Variants in MGAM observed in about 807,000 individuals in gnomAD.
The protein encoded by MGAM is alpha-1,4-glucosidase.
Under a neutral mutation model 358.8 loss-of-function variants are expected in MGAM, and 253 were observed. The ratio of observed to expected loss-of-function variants is 0.71; its 90% confidence interval spans 0.64 to 0.78. MGAM has a LOEUF of 0.78. Ranked by LOEUF, MGAM falls within the 30% of genes least tolerant of loss-of-function variation. The pLI is 0.00. For synonymous variants in MGAM, 1,105 were observed against 1,227.1 expected, an observed-to-expected ratio of 0.90 and a Z score of 2.08; for missense variants, 3,080 against 3,432.6, an observed-to-expected ratio of 0.90 and a Z score of 2.57.
At chr7:142,021,505 T>C in intron 5 of MGAM, 81 bp from the exon 6 acceptor site, 1 of 1,390,650 alleles carries the variant, frequency 7.2e-7, no homozygotes, top group African/African-American at 1.4e-5. Flanking sequence ...CAGTGCCTGA[T>C]TCCAGTATCC....
Position 142,059,947 on chromosome 7 carries a change from G to A in MGAM, c.4040G>A (p.Gly1347Glu), listed in dbSNP as rs1441650508. ...DDVFIKYPNDGDIVWGKVWPD... is the reference protein window; with the variant it reads ...DDVFIKYPNDEDIVWGKVWPD... ...GTCTTCATCAAATACCCAAATGATG[G>A]AGACATTGTCTGGGGAAAGGTATAA... Residue 1347 changes from glycine (G) to glutamate (E), a missense_variant, in exon 33 of 71, where the codon GGA (glycine) becomes GAA (glutamate). Transcript: ENST00000475668. The A allele has an allele frequency of 1.2e-6, 2 of 1,606,764 alleles. No homozygotes were observed. The highest frequency in any genetic ancestry group is 4.5e-5 in the East Asian group (2 of 44,710).
In MGAM at chr7:142,077,478, C is replaced by T. The variant is rs150715290; in HGVS notation, c.5493+652C>T. On this transcript the variant is annotated intron_variant, in intron 47 of 70. Transcript: ENST00000475668. ...TGTGAGAACTTTAACTTGGGAAGTGCTGTCTAGAGAAGCATCAAAGATAAG... is the reference window on the plus strand; with the variant it reads ...TGTGAGAACTTTAACTTGGGAAGTGTTGTCTAGAGAAGCATCAAAGATAAG... Among the ~76,000 whole-genome samples, 87 of 145,358 alleles carry T rather than the reference C, an allele frequency of 6.0e-4. 3 individuals carry two copies. The highest frequency in any genetic ancestry group is 1.8e-3 in the African/African-American group (75 of 41,062).
chr7:142,085,366 G>A (rs1814654752), intron 54 of MGAM, among the ~76,000 whole-genome samples: 1 of 146,366 alleles, frequency 6.8e-6, no homozygotes, highest in African/African-American at 2.4e-5. Context: ...CCTCAAGATT[G>A]GGTATTCCAA....
intron 1 of MGAM, among the ~76,000 whole-genome samples, chr7:142,000,461 C>T (rs1243170004): frequency 6.6e-6 from 1 of 152,104 alleles, no homozygotes; most frequent in Non-Finnish European, 1.5e-5. Flanking sequence ...AGTTAGATGC[C>T]ATCCCTTCTC....
Position 142,052,432 on chromosome 7 carries a change from G to A in MGAM, c.2944G>A (p.Gly982Ser). ...TTCTGCCGAAAACTGCACTGCCCGT[G>A]GCTGTATCTGGGAGGTAACCATGCT... ...GASAENCTAR[G>S]CIWEASNSSG... The change falls in exon 25 of 71, where the codon GGC becomes AGC. Residue 982 changes from glycine (G) to serine (S), a missense_variant. Gly to Ser is a moderately conservative substitution (Grantham distance 56). Around this residue, in one of 5 missense-constraint regions of MGAM, gnomAD observed 1,816 missense variants for 1,840.5 expected, o/e 0.99. Transcript: ENST00000475668. 1 of 1,613,342 alleles carries A rather than the reference G, an allele frequency of 6.2e-7. No individual in the cohort carries two copies. The highest frequency in any genetic ancestry group is 1.1e-5 in the South Asian group (1 of 90,976).
At chr7:142,049,569 TA>T (rs1375977287) in intron 22 of MGAM, among the ~76,000 whole-genome samples, 4 of 152,082 alleles carry the variant, frequency 2.6e-5, no homozygotes, top group African/African-American at 4.8e-5. Context: ...GAGATTAATA[TA>T]AAAAAATAAG....
intron 10 of MGAM, among the ~76,000 whole-genome samples, chr7:142,029,192 T>TACA (rs1228422665): frequency 2.6e-5 from 4 of 151,932 alleles, no homozygotes; most frequent in Admixed American, 2.0e-4. Flanking sequence ...CTACTAAAAA[T>TACA]ACAACAACAA....
In MGAM at chr7:142,065,342, C is replaced by A; in HGVS notation, c.4492C>A (p.Gln1498Lys). 6.2e-7 allele frequency: 1 copy of A among 1,608,968 alleles called. No individual in the cohort carries two copies. Among genetic ancestry groups the A allele is most frequent in the Non-Finnish European group, 8.5e-7 (1 of 1,178,132 alleles). Residue 1498 changes from glutamine to lysine, a missense_variant, in exon 38 of 71, where the codon CAG becomes AAG. Gln to Lys is a moderately conservative substitution (Grantham distance 53). This residue lies in a region of MGAM where 134 missense variants were observed against 198.4 expected (regional missense o/e 0.68). Coordinates refer to ENST00000475668, the MANE Select transcript of MGAM (RefSeq NM_001365693.1). Reference protein sequence around the residue: ...SQTRPTYEAVQEVTGQRGVVI... With the variant: ...SQTRPTYEAVKEVTGQRGVVI... ...CTGTTCCCTTCCAAGCAGAGCCGTG[C>A]AGGAGGTGACGGGACAGCGAGGGGT...
At chr7:142,056,412 G>A (rs1244316398) in intron 29 of MGAM, among the ~76,000 whole-genome samples, 1 of 152,158 alleles carries the variant, frequency 6.6e-6, no homozygotes, top group South Asian at 2.1e-4. Flanking sequence ...ATGGGTCAGA[G>A]AAGTTAGTCT....
intron 21 of MGAM, 110 bp from the exon 22 acceptor site, chr7:142,047,675 C>G: frequency 1.0e-6 from 1 of 970,086 alleles, no homozygotes; most frequent in Admixed American, 2.0e-5. Flanking sequence ...AAAGCAGAAC[C>G]ATCTGCTGCT....
rs1554465731 is a variant in MGAM, at chr7:142,036,180, C to T, written c.1971C>T (p.Asp657=). ...NLFGIPMVGP[D]ICGFALDTPE... ...GTGTGTCCTTCCAGGTGGGTCCTGA[C>T]ATATGTGGCTTTGCTTTGGACACCC... Residue 657 remains aspartate, a synonymous_variant, in exon 17 of 71, where the codon GAC becomes GAT. Coordinates refer to ENST00000475668, the MANE Select transcript of MGAM (RefSeq NM_001365693.1). 7 of 1,610,662 alleles carry T rather than the reference C, an allele frequency of 4.3e-6. No individual in the cohort carries two copies. In the South Asian group the frequency reaches 4.4e-5, roughly 10 times the overall value.
At chr7:142,002,534 A>G (rs1282267811) in intron 1 of MGAM, among the ~76,000 whole-genome samples, 2 of 152,136 alleles carry the variant, frequency 1.3e-5, no homozygotes, top group Admixed American at 6.6e-5. Context: ...CCTTCATAAA[A>G]AAAAACCCTT....
chr7:142,053,914 A>G (rs1476479488), intron 26 of MGAM, among the ~76,000 whole-genome samples: 1 of 152,174 alleles, frequency 6.6e-6, no homozygotes, highest in East Asian at 1.9e-4. Flanking sequence ...CTGGAGTTCT[A>G]GCCTTAACCA....
Position 142,047,781 on chromosome 7 carries a change from AC to A in MGAM, c.2499-3del. 2 of 1,610,784 alleles carry A rather than the reference AC, an allele frequency of 1.2e-6. No individual in the cohort carries two copies. Among genetic ancestry groups the A allele is most frequent in the Non-Finnish European group, 1.7e-6 (2 of 1,177,166 alleles). Reference sequence around the variant, plus strand: ...CTTTGTGTCTTGAATCTTGTTCCCCACAGTCGAAAGAACCCTCTTGGTCTTA... The same window carrying A: ...CTTTGTGTCTTGAATCTTGTTCCCCAAGTCGAAAGAACCCTCTTGGTCTTA... On this transcript the variant is annotated splice_region_variant and splice_polypyrimidine_tract_variant and intron_variant, in intron 21 of 70. Coordinates refer to ENST00000475668, the MANE Select transcript of MGAM (RefSeq NM_001365693.1).
rs1421490435 is a variant in MGAM at position 142,066,571 on chromosome 7, A to G, written c.4771-2A>G. On this transcript the variant is annotated splice_acceptor_variant, in intron 40 of 70. Transcript: ENST00000475668. LOFTEE classifies it high-confidence loss of function. ...CCCAACACTGTTCTCTTTCTCCTTT[A>G]GAGACAAGACCCTGTGTCCTGGGAT... The G allele has an allele frequency of 6.4e-7, 1 of 1,554,292 alleles. No individual in the cohort carries two copies. Among genetic ancestry groups the G allele is most frequent in the African/African-American group, 1.3e-5 (1 of 74,400 alleles).
At chr7:141,989,133 A>G (rs1803829015) in intron 2 of MGAM, among the ~76,000 whole-genome samples, 1 of 148,482 alleles carries the variant, frequency 6.7e-6, no homozygotes, top group East Asian at 2.0e-4. Context: ...AGAAAGAGGG[A>G]GAGAGAGAGA....
chr7:142,079,021 C>T lies in MGAM; in HGVS notation c.5847+13C>T, dbSNP rs769082846. Reference sequence around the variant, plus strand: ...GCTACAGTTCAAGGTAAACACGGTACATATATCAGGCAGTGATAAGACCCT... The same window carrying T: ...GCTACAGTTCAAGGTAAACACGGTATATATATCAGGCAGTGATAAGACCCT... On this transcript the variant is annotated intron_variant, in intron 49 of 70. Transcript: ENST00000475668. 5.9e-6 allele frequency: 9 copies of T among 1,537,112 alleles called. 2 individuals carry two copies. Among genetic ancestry groups the T allele is most frequent in the South Asian group, 5.6e-5 (5 of 88,496 alleles).
rs551776010 is a variant in MGAM, at chr7:142,080,984, C to T, written c.6002+39C>T. Reference sequence around the variant, plus strand: ...AGTGTGACTCAGAGTTGATGGCTACCTGCGCCTTCGCTGCCAGGTCCATTG... The same window carrying T: ...AGTGTGACTCAGAGTTGATGGCTACTTGCGCCTTCGCTGCCAGGTCCATTG... On this transcript the variant is annotated intron_variant, in intron 50 of 70. Transcript: ENST00000475668. The T allele has an allele frequency of 2.0e-6, 3 of 1,499,788 alleles. No individual in the cohort carries two copies. In the African/African-American group the frequency reaches 4.0e-5, roughly 20 times the overall value. The allele number at this position is 1,499,788 out of a possible 1,614,324, so 92.9% of individuals were successfully genotyped here.
chr7:142,047,144 AG>A (rs2129027496), intron 21 of MGAM, among the ~76,000 whole-genome samples: 1 of 152,254 alleles, frequency 6.6e-6, no homozygotes, highest in South Asian at 2.1e-4. Flanking sequence ...TAGAATGAGG[AG>A]AGACTCCAAA....
Sources: gnomAD v4.1 joint callset for allele counts (sites outside exome capture counted in the v4.1 genomes callset) on GRCh38, gnomAD v4.1.1 for gene constraint, gnomAD v4.1.1 regional missense constraint, MANE v1.5 for transcripts, NCBI Gene and HGNC (gene_info 2026-07-23, HGNC 2026-07-21) for gene names.